The following PDE6A variants were observed in gnomAD, a reference collection of about 807,000 sequenced individuals.
PDE6A encodes rod cGMP-specific 3',5'-cyclic phosphodiesterase subunit alpha.
In PDE6A, 84 loss-of-function variants were observed where a neutral mutation model predicts 106.3. The ratio of observed to expected loss-of-function variants is 0.79; its 90% CI spans 0.66 to 0.95. The LOEUF is 0.95. PDE6A is among the 40% of genes least tolerant of loss of function. PDE6A has a pLI of 0.00. For synonymous variants in PDE6A, 394 were observed against 386.6 expected, an observed-to-expected ratio of 1.02 and a Z score of -0.23; for missense variants, 1,052 against 1,084.9, an observed-to-expected ratio of 0.97 and a Z score of 0.43.
intron 6 of PDE6A, among the ~76,000 whole-genome samples, chr5:149,914,300 C>A (rs1403275151): frequency 1.3e-5 from 2 of 152,208 alleles, no homozygotes; most frequent in East Asian, 3.8e-4. Context: ...CCTTCCCACT[C>A]TCCCTGCCTC....
intron 17 of PDE6A, among the ~76,000 whole-genome samples, chr5:149,882,347 C>T (rs1760961376): frequency 6.6e-6 from 1 of 151,962 alleles, no homozygotes; most frequent in Non-Finnish European, 1.5e-5. Flanking sequence ...CTCATTTCCA[C>T]AGAAGCATCT....
chr5:149,924,288 G>A (rs1340255797), intron 4 of PDE6A, among the ~76,000 whole-genome samples: 1 of 152,170 alleles, frequency 6.6e-6, no homozygotes, highest in African/African-American at 2.4e-5. Context: ...AAATATATTG[G>A]CCTGACACCT....
At chr5:149,868,591 A>G (rs973711741) in intron 17 of PDE6A, among the ~76,000 whole-genome samples, 1 of 152,204 alleles carries the variant, frequency 6.6e-6, no homozygotes, top group Non-Finnish European at 1.5e-5. Context: ...AAATCTCATC[A>G]CATCTTCAGA....
intron 1 of PDE6A, among the ~76,000 whole-genome samples, chr5:149,935,876 G>T (rs1170292413): frequency 6.6e-6 from 1 of 152,204 alleles, no homozygotes; most frequent in Non-Finnish European, 1.5e-5. Flanking sequence ...TCTGGGCCAG[G>T]CGTGGTGGTT....
intron 4 of PDE6A, among the ~76,000 whole-genome samples, chr5:149,928,567 T>A (rs1415475960): frequency 6.6e-6 from 1 of 152,040 alleles, no homozygotes; most frequent in Non-Finnish European, 1.5e-5. Flanking sequence ...CAACTGGCAG[T>A]GCGGTAGGTT....
In PDE6A at chr5:149,866,392, T is replaced by C. The variant is rs1436338686; in HGVS notation, c.2275-139A>G. 27 of 666,464 alleles carry C rather than the reference T, an allele frequency of 4.1e-5. No homozygotes were observed. In the East Asian group the frequency reaches 5.6e-4, roughly 14 times the overall value. The allele number at this position is 666,464 out of a possible 1,614,324, so 41.3% of individuals were successfully genotyped here. A position where few individuals can be genotyped will look rare whatever the true frequency, so the allele number is the denominator to read the frequency against. ...GAGCATTTTGCAGGAAATAGGAGAA[T>C]AGAGAAACATGTTAAAGAACACCAT... is the stretch of plus-strand genomic sequence containing the variant. On this transcript the variant is annotated intron_variant, in intron 19 of 21. Transcript: ENST00000255266.
Position 149,883,505 on chromosome 5 carries a change from G to A in PDE6A, c.2059C>T (p.Gln687Ter), listed in dbSNP as rs1561705027. The change falls in exon 17 of 22, where the codon CAG (glutamine) becomes TAG (stop). Residue 687 changes from glutamine (Q) to a stop codon, truncating the protein, a stop_gained. Transcript: ENST00000255266. LOFTEE classifies it high-confidence loss of function. ...TGTTCACTCTCATATGTCTTAGACT[G>A]ATCCACGATCTTTTGGAACATCGTC... ...KRTMFQKIVD[Q>*]SKTYESEQEW... 1 of 1,613,298 alleles carries A rather than the reference G, an allele frequency of 6.2e-7. No homozygotes were observed. The highest frequency in any genetic ancestry group is 1.7e-5 in the Admixed American group (1 of 60,014).
chr5:149,934,390 C>T (rs1050327404), intron 2 of PDE6A, among the ~76,000 whole-genome samples, 176 bp downstream of exon 2: 7 of 152,258 alleles, frequency 4.6e-5, no homozygotes, highest in Non-Finnish European at 8.8e-5. Context: ...ATTCCTGACT[C>T]CAAAGCCCAA....
At chr5:149,906,186 C>T (rs1169451449) in intron 7 of PDE6A, among the ~76,000 whole-genome samples, 1 of 151,820 alleles carries the variant, frequency 6.6e-6, no homozygotes, top group Non-Finnish European at 1.5e-5. Flanking sequence ...TGAAAATTGA[C>T]TATGTGAATC....
At chr5:149,928,761 G>T (rs1334602999) in intron 4 of PDE6A, among the ~76,000 whole-genome samples, 1 of 152,130 alleles carries the variant, frequency 6.6e-6, no homozygotes, top group African/African-American at 2.4e-5. Context: ...AAGTGGACTT[G>T]TGCCCAGAAT....
intron 4 of PDE6A, among the ~76,000 whole-genome samples, chr5:149,928,231 A>ATATTT: frequency 1.0e-4 from 2 of 19,746 alleles, no homozygotes; most frequent in African/African-American, 9.6e-4. Flanking sequence ...ATATATATAT[A>ATATTT]TTTTTTTTTT....
At chr5:149,884,952 C>T (rs1752227590) in intron 14 of PDE6A, 85 bp from the exon 15 acceptor site, 5 of 1,084,448 alleles carry the variant, frequency 4.6e-6, no homozygotes, top group Non-Finnish European at 7.1e-6. Context: ...CAGTCTTCAG[C>T]CTTCTCCACA....
At chr5:149,873,309 A>G (rs1760625397) in intron 17 of PDE6A, among the ~76,000 whole-genome samples, 1 of 149,118 alleles carries the variant, frequency 6.7e-6, no homozygotes, top group Admixed American at 6.7e-5. Flanking sequence ...ATTTCTTATG[A>G]TTTTCATTTG....
At chr5:149,933,832 C>T in intron 3 of PDE6A, 98 bp downstream of exon 3, 2 of 843,376 alleles carry the variant, frequency 2.4e-6, no homozygotes, top group Non-Finnish European at 4.0e-6. Context: ...GACTGGCTTC[C>T]TAGGCACCTT....
At position 149,858,844 on chromosome 5, in the gene PDE6A, G is replaced by GTT; in HGVS notation, c.*2050_*2051insAA. ...TTTTTTTTCTTTTTTTTTTTTTTGA[G>GTT]ACGGAGTCTTGCTCTTGTTGCCCAG... On this transcript the variant is annotated 3_prime_UTR_variant, in exon 22 of 22. Coordinates refer to ENST00000255266, the MANE Select transcript of PDE6A (RefSeq NM_000440.3). 1 of 60,428 alleles carries GTT rather than the reference G, an allele frequency of 1.7e-5. No individual in the cohort carries two copies. Among genetic ancestry groups the GTT allele is most frequent in the Non-Finnish European group, 3.1e-5 (1 of 31,892 alleles). 3.7% of individuals were successfully genotyped at this position (60,428 alleles called of 1,614,324 possible).
chr5:149,896,616 T>TG, intron 11 of PDE6A, 95 bp downstream of exon 11: 1 of 1,613,790 alleles, frequency 6.2e-7, no homozygotes, highest in Non-Finnish European at 8.5e-7. Context: ...AACAGAGTGA[T>TG]GGGGAACATG....
intron 12 of PDE6A, among the ~76,000 whole-genome samples, chr5:149,895,950 A>C (rs556005672): frequency 6.6e-5 from 10 of 152,316 alleles, no homozygotes; most frequent in African/African-American, 1.9e-4. Flanking sequence ...CCTCCCACAC[A>C]TACCTTCTCT....
At chr5:149,895,594 G>T (rs1752714564) in intron 12 of PDE6A, among the ~76,000 whole-genome samples, 1 of 151,884 alleles carries the variant, frequency 6.6e-6, no homozygotes, top group East Asian at 1.9e-4. Flanking sequence ...GTGCCCTGGA[G>T]AGCAACTATC....
At chr5:149,895,454 G>A (rs750290122) in intron 12 of PDE6A, among the ~76,000 whole-genome samples, 164 bp from the exon 13 acceptor site, 2 of 152,228 alleles carry the variant, frequency 1.3e-5, no homozygotes, top group African/African-American at 2.4e-5. Flanking sequence ...TGTACTAGAT[G>A]CAATCATGCT....
Sources: gnomAD v4.1 joint callset for allele counts (sites outside exome capture counted in the v4.1 genomes callset) on GRCh38, gnomAD v4.1.1 for gene constraint, MANE v1.5 for transcripts, NCBI Gene and HGNC (gene_info 2026-07-23, HGNC 2026-07-21) for gene names.